Variants in IGLON5 observed in about 807,000 individuals in gnomAD.
IGLON5 encodes the protein IgLON family member 5, also known as Ig-like domain-containing protein ENSP00000270642.
Under a neutral mutation model 38.2 loss-of-function variants are expected in IGLON5, and 16 were observed. The observed-to-expected ratio is 0.42, with a 90% confidence interval of 0.28 to 0.64. The LOEUF (loss-of-function observed/expected upper bound fraction) is 0.64, where lower values mean the gene tolerates loss of function less well. Ranked by LOEUF, IGLON5 falls within the 30% of genes least tolerant of loss-of-function variation. The probability of loss-of-function intolerance (pLI) is 0.23; values close to 1 mark genes in which losing one functional copy is unlikely to be tolerated. For synonymous variants in IGLON5, 207 were observed against 216.4 expected, an observed-to-expected ratio of 0.96 and a Z score of 0.38; for missense variants, 366 against 483.4, an observed-to-expected ratio of 0.76 and a Z score of 2.28.
intron 1 of IGLON5, among the ~76,000 whole-genome samples, chr19:51,316,868 C>T (rs1369319072): frequency 1.3e-5 from 2 of 152,028 alleles, no homozygotes; most frequent in African/African-American, 4.8e-5. Flanking sequence ...CATAACAGGC[C>T]CAGCCCCTTC....
chr19:51,312,972 C>A (rs1255541406), intron 1 of IGLON5, among the ~76,000 whole-genome samples: 5 of 152,158 alleles, frequency 3.3e-5, no homozygotes, highest in Non-Finnish European at 7.4e-5. Flanking sequence ...TTCAGACTTT[C>A]TGGAGGATTC....
intron 1 of IGLON5, among the ~76,000 whole-genome samples, chr19:51,320,215 G>C (rs1985019440): frequency 6.6e-6 from 1 of 152,146 alleles, no homozygotes; most frequent in Non-Finnish European, 1.5e-5. Context: ...CCCAGGGTGA[G>C]GGGCTGCAGG....
rs559595173 is a variant in IGLON5, at chr19:51,321,914, C to T, written c.80-150C>T. On this transcript the variant is annotated intron_variant, in intron 1 of 7. Coordinates refer to ENST00000270642, the MANE Select transcript of IGLON5 (RefSeq NM_001101372.3). ...CAGGAGACGTCTGTGTCCGCAAGGA[C>T]GTGTGTGTGCACGTGTGGTGCATGT... is the stretch of plus-strand genomic sequence containing the variant. The T allele has an allele frequency of 2.3e-4, 156 of 674,792 alleles. 2 individuals are homozygous for T. The highest frequency in any genetic ancestry group is 1.9e-3 in the South Asian group (112 of 58,958). The allele number at this position is 674,792 out of a possible 1,614,324, so 41.8% of individuals were successfully genotyped here.
chr19:51,314,828 C>T (rs1190005174), intron 1 of IGLON5, among the ~76,000 whole-genome samples: 1 of 152,158 alleles, frequency 6.6e-6, no homozygotes, highest in Non-Finnish European at 1.5e-5. Context: ...AAGGGCAAAC[C>T]CCATTGTGCT....
At chr19:51,321,656 A>G (rs1985058914) in intron 1 of IGLON5, among the ~76,000 whole-genome samples, 1 of 152,070 alleles carries the variant, frequency 6.6e-6, no homozygotes, top group African/African-American at 2.4e-5. Flanking sequence ...CTGTATATAT[A>G]TGTGTCTGTG....
chr19:51,311,774 C>A lies in IGLON5; in HGVS notation c.-74C>A. 1 of 271,794 alleles carries A rather than the reference C, an allele frequency of 3.7e-6. No individual in the cohort carries two copies. The highest frequency in any genetic ancestry group is 5.4e-5 in the Admixed American group (1 of 18,576). 16.8% of individuals were successfully genotyped at this position (271,794 alleles called of 1,614,324 possible). On this transcript the variant is annotated 5_prime_UTR_variant, in exon 1 of 8. Transcript: ENST00000270642. ...AGGCGGGGTCCCCCTCCCCCTCCCCCCTCTCCCCCCAGGCCTCGCGCGCCC... is the reference window on the plus strand; with the variant it reads ...AGGCGGGGTCCCCCTCCCCCTCCCCACTCTCCCCCCAGGCCTCGCGCGCCC...
At chr19:51,320,870 C>T (rs1422855831) in intron 1 of IGLON5, among the ~76,000 whole-genome samples, 1 of 151,994 alleles carries the variant, frequency 6.6e-6, no homozygotes, top group African/African-American at 2.4e-5. Context: ...CATCTGTGTA[C>T]TTGTGGGCCT....
At chr19:51,322,409 GAGAAGGGGAC>G (rs1200258486) in intron 2 of IGLON5, among the ~76,000 whole-genome samples, 1 of 145,048 alleles carries the variant, frequency 6.9e-6, no homozygotes, top group African/African-American at 2.8e-5. Context: ...GAGACCCAGA[GAGAAGGGGAC>G]AGAGATCCAG....
chr19:51,327,641 G>C lies in IGLON5; in HGVS notation c.768-91G>C. 1.3e-6 allele frequency: 2 copies of C among 1,514,128 alleles called. No homozygotes were observed. The highest frequency in any genetic ancestry group is 1.8e-6 in the Non-Finnish European group (2 of 1,133,844). 93.8% of individuals were successfully genotyped at this position (1,514,128 alleles called of 1,614,324 possible). ...GGGTCACTGGGGTAGGGGGCAGAAT[G>C]CTGGGTCACCGGGGAACGGAGGAGC... is the stretch of plus-strand genomic sequence containing the variant. On this transcript the variant is annotated intron_variant, in intron 6 of 7. Coordinates refer to ENST00000270642, the MANE Select transcript of IGLON5 (RefSeq NM_001101372.3). The surrounding 1 kb of genome is among the most constrained non-coding windows in gnomAD (Gnocchi z 7.1).
Position 51,325,162 on chromosome 19 carries a change from G to A in IGLON5, c.392-184G>A, listed in dbSNP as rs1442875838. Among the ~76,000 whole-genome samples, 1 of 151,604 alleles carries A rather than the reference G, an allele frequency of 6.6e-6. No individual in the cohort carries two copies. Among genetic ancestry groups the A allele is most frequent in the Non-Finnish European group, 1.5e-5 (1 of 67,934 alleles). On this transcript the variant is annotated intron_variant, in intron 3 of 7. Transcript: ENST00000270642. This position sits in a 1 kb window ranked among gnomAD's most constrained non-coding sequence, Gnocchi z 5.5. ...AGGGGCTGGGGTACTGGACTCTTGGGTCTGAGGGAAGAGGAACTGCGGGTC... is the reference window on the plus strand; with the variant it reads ...AGGGGCTGGGGTACTGGACTCTTGGATCTGAGGGAAGAGGAACTGCGGGTC...
At chr19:51,323,994 C>G in intron 3 of IGLON5, 100 bp downstream of exon 3, 2 of 799,796 alleles carry the variant, frequency 2.5e-6, no homozygotes, top group African/African-American at 3.4e-5. Context: ...CCCAGGGATA[C>G]ATAGCGAGAA....
chr19:51,315,821 A>C lies in IGLON5; in HGVS notation c.79+3895A>C, dbSNP rs890496659. Among the ~76,000 whole-genome samples, 7 of 147,608 alleles carry C rather than the reference A, an allele frequency of 4.7e-5. No homozygotes were observed. The South Asian group carries it at 1.5e-3, about 32-fold the overall frequency. On this transcript the variant is annotated intron_variant, in intron 1 of 7. Coordinates refer to ENST00000270642, the MANE Select transcript of IGLON5 (RefSeq NM_001101372.3). ...CACCATTCTCCTGCCTCAGCCTCCC[A>C]AGTAGCTGGGACTACAGGCGCCCAC...
chr19:51,320,966 A>G lies in IGLON5; in HGVS notation c.80-1098A>G, dbSNP rs141453637. Among the ~76,000 whole-genome samples the G allele has an allele frequency of 1.9e-4, 29 of 152,202 alleles. No individual in the cohort carries two copies. The East Asian group carries it at 5.6e-3, about 29-fold the overall frequency. ...ACTATGCGCTCATCTTTGCATAGGT[A>G]CATGTGTGTCTGTATACCGTACCTA... is the stretch of plus-strand genomic sequence containing the variant. On this transcript the variant is annotated intron_variant, in intron 1 of 7. Coordinates refer to ENST00000270642, the MANE Select transcript of IGLON5 (RefSeq NM_001101372.3).
chr19:51,323,945 G>A, intron 3 of IGLON5, 51 bp downstream of exon 3: 2 of 1,296,606 alleles, frequency 1.5e-6, no homozygotes, highest in Non-Finnish European at 2.2e-6. Flanking sequence ...GAGCGTGGGG[G>A]AGACTAGGCA....
chr19:51,326,715 T>C (rs999185861), intron 4 of IGLON5, 49 bp from the exon 5 acceptor site: 2 of 1,289,810 alleles, frequency 1.6e-6, no homozygotes, highest in Admixed American at 5.0e-5. Context: ...TTGTCCCGTG[T>C]TAAGTGTTTG....
chr19:51,323,640 T>G (rs1568458918), intron 2 of IGLON5, 22 bp from the exon 3 acceptor site: 3 of 1,588,912 alleles, frequency 1.9e-6, no homozygotes, highest in Admixed American at 1.7e-5. Context: ...GAGAAAAACC[T>G]TCCCACTCAT....
chr19:51,321,288 C>T (rs1985050003), intron 1 of IGLON5, among the ~76,000 whole-genome samples: 1 of 152,156 alleles, frequency 6.6e-6, no homozygotes, highest in African/African-American at 2.4e-5. Flanking sequence ...AGTGATTCTC[C>T]TGCCTCAGCC....
intron 1 of IGLON5, among the ~76,000 whole-genome samples, chr19:51,316,385 G>A (rs1014435298): frequency 1.3e-5 from 2 of 151,122 alleles, no homozygotes; most frequent in African/African-American, 4.9e-5. Flanking sequence ...GAAAGAAAAG[G>A]TGTGTCTAGT....
intron 7 of IGLON5, 140 bp from the exon 8 acceptor site, chr19:51,328,531 G>C (rs796625918): frequency 1.6e-5 from 7 of 424,576 alleles, no homozygotes; most frequent in African/African-American, 1.5e-4. Context: ...AAGAAACAGA[G>C]TCAGAAAAGC....
Sources: allele counts gnomAD v4.1 joint callset (sites outside exome capture counted in the v4.1 genomes callset), GRCh38; gene constraint gnomAD v4.1.1; non-coding constraint Gnocchi (gnomAD v3.1); transcripts MANE v1.5; gene names NCBI Gene and HGNC (gene_info 2026-07-23, HGNC 2026-07-21).